Variants in HNF4G observed in about 807,000 individuals in gnomAD.
HNF4G encodes the protein hepatocyte nuclear factor 4 gamma, also known as hepatocyte nuclear factor 4-gamma.
Under a neutral mutation model 50.9 loss-of-function variants are expected in HNF4G, and 21 were observed. The observed-to-expected ratio is 0.41, with a 90% CI of 0.29 to 0.59. The LOEUF (loss-of-function observed/expected upper bound fraction) is 0.59, where lower values mean the gene tolerates loss of function less well. Ranked by LOEUF, HNF4G falls within the 20% of genes least tolerant of loss-of-function variation. HNF4G has a pLI of 0.26. For missense variants in HNF4G, 527 were observed against 559.4 expected (o/e 0.94, Z 0.58); for synonymous variants, 198 against 185.6 (o/e 1.07, Z -0.54).
At chr8:75,478,780 G>A (rs1362492598) in intron 1 of HNF4G, among the ~76,000 whole-genome samples, 1 of 151,994 alleles carries the variant, frequency 6.6e-6, no homozygotes, top group Non-Finnish European at 1.5e-5. Context: ...GTGCAATCGC[G>A]CGATCTGATC....
At chr8:75,461,810 A>C (rs1230668848) in intron 1 of HNF4G, among the ~76,000 whole-genome samples, 1 of 151,360 alleles carries the variant, frequency 6.6e-6, no homozygotes, top group African/African-American at 2.4e-5. Flanking sequence ...AACAATTGCT[A>C]ATAATAAAAC....
At chr8:75,441,543 C>A (rs1388764276) in intron 1 of HNF4G, among the ~76,000 whole-genome samples, 5 of 152,198 alleles carry the variant, frequency 3.3e-5, no homozygotes, top group Middle Eastern at 3.4e-3. Flanking sequence ...CCATGCCCGG[C>A]CTTTATAACA....
rs548125507 is a variant in HNF4G at position 75,423,815 on chromosome 8, C to CTTTTTTTTTTTT, written c.-144+15669_-144+15680dup. Reference sequence around the variant, plus strand: ...TTGAAACTTTCTGCCAAGTTTCTTTCTTTTTTTTTTTTTTTTTTTTTTTTT... The same window carrying CTTTTTTTTTTTT: ...TTGAAACTTTCTGCCAAGTTTCTTTCTTTTTTTTTTTTTTTTTTTTTTTTTTTTTTTTTTTTT... On this transcript the variant is annotated intron_variant, in intron 1 of 10. Coordinates refer to the HNF4G transcript ENST00000354370. Among the ~76,000 whole-genome samples the CTTTTTTTTTTTT allele has an allele frequency of 2.4e-4, 17 of 71,176 alleles. 4 individuals are homozygous for CTTTTTTTTTTTT. The highest frequency in any genetic ancestry group is 1.0e-3 in the East Asian group (2 of 1,906). 46.7% of individuals were successfully genotyped at this position (71,176 alleles called of 152,430 possible).
At chr8:75,458,369 CTTTTTTTTTTT>C (rs61411885) in intron 1 of HNF4G, among the ~76,000 whole-genome samples, 1 of 117,110 alleles carries the variant, frequency 8.5e-6, no homozygotes, top group Admixed American at 8.8e-5. Flanking sequence ...AATGGTCTAA[CTTTTTTTTTTT>C]TTTTTTTTTT....
chr8:75,545,811 C>T (rs548056100), intron 2 of HNF4G, among the ~76,000 whole-genome samples: 1 of 152,216 alleles, frequency 6.6e-6, no homozygotes, highest in African/African-American at 2.4e-5. Context: ...TTAATCCCTA[C>T]ACCAGGATCT....
At chr8:75,441,371 G>A (rs1811281017) in intron 1 of HNF4G, among the ~76,000 whole-genome samples, 1 of 151,510 alleles carries the variant, frequency 6.6e-6, no homozygotes, top group African/African-American at 2.4e-5. Flanking sequence ...TTAGCCTCCT[G>A]AGCAGCTGGG....
At chr8:75,563,841 A>T in intron 9 of HNF4G, 134 bp from the exon 10 acceptor site, 1 of 937,574 alleles carries the variant, frequency 1.1e-6, no homozygotes, top group South Asian at 2.0e-5. Flanking sequence ...TGCATTCTAC[A>T]AATCACTATT....
At chr8:75,518,804 A>G (rs909926119) in intron 2 of HNF4G, among the ~76,000 whole-genome samples, 10 of 152,036 alleles carry the variant, frequency 6.6e-5, no homozygotes, top group African/African-American at 2.4e-4. Flanking sequence ...AAGATCTCTG[A>G]TATACCCCAG....
intron 1 of HNF4G, among the ~76,000 whole-genome samples, chr8:75,467,704 G>A (rs1812018708): frequency 6.6e-6 from 1 of 151,258 alleles, no homozygotes; most frequent in Admixed American, 6.6e-5. Flanking sequence ...ACAGCACACT[G>A]AAGTCACAAA....
chr8:75,547,397 A>G (rs1176232891), intron 2 of HNF4G, among the ~76,000 whole-genome samples, 190 bp from the exon 3 acceptor site: 1 of 152,276 alleles, frequency 6.6e-6, no homozygotes, highest in East Asian at 1.9e-4. Flanking sequence ...ATAAAGACTA[A>G]GTGAGAGGTG....
intron 2 of HNF4G, among the ~76,000 whole-genome samples, chr8:75,492,237 T>A (rs1458823259): frequency 6.6e-6 from 1 of 152,200 alleles, no homozygotes; most frequent in Non-Finnish European, 1.5e-5. Flanking sequence ...TCACTCTTAC[T>A]ACTACCTACT....
At chr8:75,555,485 T>C (rs1231562964) in intron 5 of HNF4G, among the ~76,000 whole-genome samples, 2 of 152,170 alleles carry the variant, frequency 1.3e-5, no homozygotes, top group African/African-American at 4.8e-5. Context: ...AAGTCTTTGC[T>C]TTGCTTTTGT....
At chr8:75,499,719 A>G (rs887301672) in intron 2 of HNF4G, among the ~76,000 whole-genome samples, 5 of 151,944 alleles carry the variant, frequency 3.3e-5, no homozygotes, top group Non-Finnish European at 5.9e-5. Context: ...TTTAGAGTCC[A>G]GTGGGGGGAA....
At chr8:75,539,301 G>T (rs1201267191), upstream of HNF4G, among the ~76,000 whole-genome samples, 2 of 152,144 alleles carry the variant, frequency 1.3e-5, no homozygotes, top group Non-Finnish European at 1.5e-5. Flanking sequence ...TGGGACACAG[G>T]CCTATAAATA....
At chr8:75,543,700 G>T (rs1806692321) in intron 1 of HNF4G, 111 bp from the exon 2 acceptor site, 2 of 814,250 alleles carry the variant, frequency 2.5e-6, no homozygotes, top group East Asian at 2.9e-5. Context: ...CCAGTGTGGG[G>T]TCTCCAAGAA....
intron 1 of HNF4G, among the ~76,000 whole-genome samples, chr8:75,409,480 CTTTTTTTTTTTTTTT>C (rs5892492): frequency 1.5e-5 from 1 of 67,346 alleles, no homozygotes; most frequent in Admixed American, 2.2e-4. Context: ...GTGCCTTGTT[CTTTTTTTTTTTTTTT>C]TTTTTTTTTC....
chr8:75,422,388 G>T (rs977741187), intron 1 of HNF4G, among the ~76,000 whole-genome samples: 1 of 152,160 alleles, frequency 6.6e-6, no homozygotes, highest in African/African-American at 2.4e-5. Context: ...GGCAGTGCTT[G>T]TTCAGCTACT....
intron 1 of HNF4G, among the ~76,000 whole-genome samples, chr8:75,466,636 C>CTCCCTTCCCTTCCCTTCCCT (rs368808035): frequency 2.6e-4 from 10 of 38,724 alleles, no homozygotes; most frequent in African/African-American, 8.1e-4. Flanking sequence ...TTCCTTCCTT[C>CTCCCTTCCCTTCCCTTCCCT]TCCCTTCCCT....
At chr8:75,488,008 C>T (rs1165161105) in intron 1 of HNF4G, among the ~76,000 whole-genome samples, 1 of 152,160 alleles carries the variant, frequency 6.6e-6, no homozygotes, top group Non-Finnish European at 1.5e-5. Flanking sequence ...ACGAGAATAG[C>T]ATGAGGGTAA....
Sources: allele counts gnomAD v4.1 joint callset (sites outside exome capture counted in the v4.1 genomes callset), GRCh38; gene constraint gnomAD v4.1.1; transcripts MANE v1.5; gene names NCBI Gene and HGNC (gene_info 2026-07-23, HGNC 2026-07-21).